The following RTN4 variants were observed in gnomAD, a reference collection of about 807,000 sequenced individuals.
The protein encoded by RTN4 is reticulon-4.
RTN4 carries 32 observed loss-of-function variants against 90.4 expected under a neutral mutation model. The ratio of observed to expected loss-of-function variants is 0.35; its 90% CI spans 0.27 to 0.48. The LOEUF is 0.48. Ranked by LOEUF, RTN4 falls within the 20% of genes least tolerant of loss-of-function variation. The probability of loss-of-function intolerance (pLI) is 0.99; values close to 1 mark genes in which losing one functional copy is unlikely to be tolerated. For synonymous variants in RTN4, 629 were observed against 552.5 expected (o/e 1.14, Z -1.94); for missense variants, 1,706 against 1,430.2 (o/e 1.19, Z -3.11).
intron 2 of RTN4, among the ~76,000 whole-genome samples, chr2:55,079,237 G>A (rs1427154151): frequency 1.3e-5 from 2 of 152,218 alleles, no homozygotes; most frequent in African/African-American, 4.8e-5. Flanking sequence ...ACCAATCTCA[G>A]TCTTTATGGA....
At chr2:55,077,248 C>T (rs1168921163) in intron 2 of RTN4, among the ~76,000 whole-genome samples, 2 of 151,746 alleles carry the variant, frequency 1.3e-5, no homozygotes, top group East Asian at 1.9e-4. Flanking sequence ...CTCCTGACCT[C>T]GTGATCCTCC....
intron 1 of RTN4, among the ~76,000 whole-genome samples, chr2:55,103,643 T>G (rs920949480): frequency 2.0e-4 from 31 of 152,096 alleles, no homozygotes; most frequent in African/African-American, 7.5e-4. Flanking sequence ...TTTCCCTCTT[T>G]TTCTACGTCT....
At chr2:55,090,755 A>C (rs1020990653) in intron 1 of RTN4, among the ~76,000 whole-genome samples, 6 of 152,134 alleles carry the variant, frequency 3.9e-5, no homozygotes, top group Non-Finnish European at 8.8e-5. Context: ...TCTAATAAGT[A>C]ACTCCCATTT....
chr2:54,982,475 A>T (rs199817231), intron 5 of RTN4, 40 bp downstream of exon 5: 2 of 1,575,466 alleles, frequency 1.3e-6, no homozygotes, highest in Non-Finnish European at 1.7e-6. Flanking sequence ...TTGATACTAA[A>T]TTCTGGGTAT....
At chr2:55,074,980 G>T (rs1668576310) in intron 2 of RTN4, among the ~76,000 whole-genome samples, 1 of 152,168 alleles carries the variant, frequency 6.6e-6, no homozygotes, top group South Asian at 2.1e-4. Context: ...TATACCAACT[G>T]GGGAAAAGTT....
At chr2:55,009,952 G>A (rs1197078044) in intron 3 of RTN4, 13 of 963,702 alleles carry the variant, frequency 1.3e-5, no homozygotes, top group South Asian at 4.9e-5. Context: ...TGAGATAGCC[G>A]TTTTAATCCT....
At chr2:55,035,123 C>T (rs143966473) in intron 1 of RTN4, among the ~76,000 whole-genome samples, 171 of 152,220 alleles carry the variant, frequency 1.1e-3, no homozygotes, top group African/African-American at 4.0e-3. Flanking sequence ...CAAAGACACA[C>T]AACCACACAC....
rs1668012431 is a variant in RTN4, at chr2:55,050,008, G to T, written c.293C>A (p.Pro98His). The T allele has an allele frequency of 2.2e-6, 3 of 1,380,186 alleles. No homozygotes were observed. The highest frequency in any genetic ancestry group is 1.5e-5 in the African/African-American group (1 of 65,902). 85.5% of individuals were successfully genotyped at this position (1,380,186 alleles called of 1,614,324 possible). A position where few individuals can be genotyped will look rare whatever the true frequency, so the allele number is the denominator to read the frequency against. The change falls in exon 1 of 9, where the codon CCC (proline) becomes CAC (histidine). Residue 98 changes from proline to histidine, a missense_variant. By Grantham distance (77) the Pro-to-His change is moderately conservative. Transcript: ENST00000337526. The surrounding 1 kb of genome is among the most constrained non-coding windows in gnomAD (Gnocchi z 4.6). The stretch of plus-strand genomic sequence containing the variant: ...CGGCTGCCGCTCCGGGGCGACGGGG[G>T]GAGCGGCCGGCAGGGGTCCCCGGGG... ...PAPRGPLPAA[P>H]PVAPERQPSW... is the part of the protein sequence containing the mutation.
the RTN4 span, among the ~76,000 whole-genome samples, chr2:55,120,334 G>A: frequency 6.6e-6 from 1 of 152,150 alleles, no homozygotes; most frequent in African/African-American, 2.4e-5. Context: ...ACCAGGGTGG[G>A]CACAGACAGA....
intron 1 of RTN4, among the ~76,000 whole-genome samples, chr2:55,102,302 CA>C (rs1367312497): frequency 2.0e-5 from 3 of 151,972 alleles, no homozygotes; most frequent in African/African-American, 4.8e-5. Flanking sequence ...TACTTTAGGC[CA>C]GGGGGTAGCA....
intron 1 of RTN4, among the ~76,000 whole-genome samples, chr2:55,081,239 A>G (rs538027277): frequency 1.3e-5 from 2 of 151,860 alleles, no homozygotes; most frequent in African/African-American, 2.4e-5. Flanking sequence ...ATGCCCTGCT[A>G]ATTTGTTTTT....
At chr2:55,045,338 T>C (rs776543829) in intron 1 of RTN4, among the ~76,000 whole-genome samples, 35 of 152,220 alleles carry the variant, frequency 2.3e-4, no homozygotes, top group Non-Finnish European at 1.2e-4. Flanking sequence ...AAACTAACTA[T>C]AAAAACAGAT....
chr2:54,982,334 A>AG (rs1357046660), intron 5 of RTN4, among the ~76,000 whole-genome samples, 181 bp downstream of exon 5: 1 of 152,206 alleles, frequency 6.6e-6, no homozygotes, highest in African/African-American at 2.4e-5. Context: ...AGAAAAAAAA[A>AG]GGGAATAGCA....
chr2:55,019,194 C>T (rs922721130), intron 3 of RTN4, among the ~76,000 whole-genome samples: 4 of 152,008 alleles, frequency 2.6e-5, no homozygotes, highest in Non-Finnish European at 5.9e-5. Flanking sequence ...CTAATTAATT[C>T]ATTAATGGAA....
the RTN4 span, among the ~76,000 whole-genome samples, chr2:55,119,012 C>T: frequency 2.7e-4 from 41 of 152,114 alleles, no homozygotes; most frequent in Admixed American, 2.5e-3. Flanking sequence ...AGAGAGATAT[C>T]GGGGGAAGAA....
chr2:54,997,901 T>C (rs1298961527), intron 3 of RTN4, among the ~76,000 whole-genome samples: 4 of 152,186 alleles, frequency 2.6e-5, no homozygotes, highest in East Asian at 3.8e-4. Context: ...AACTTTATCA[T>C]AGTTATGTAT....
At chr2:54,981,158 G>C (rs1048624467) in intron 5 of RTN4, among the ~76,000 whole-genome samples, 1 of 152,042 alleles carries the variant, frequency 6.6e-6, no homozygotes, top group Non-Finnish European at 1.5e-5. Flanking sequence ...AGTAACTTAA[G>C]TTCCAAGTCA....
chr2:55,036,707 A>G (rs1334356929), intron 1 of RTN4, among the ~76,000 whole-genome samples: 1 of 152,030 alleles, frequency 6.6e-6, no homozygotes, highest in African/African-American at 2.4e-5. Flanking sequence ...AAACCATATG[A>G]TCATCTCAAC....
intron 1 of RTN4, among the ~76,000 whole-genome samples, chr2:55,038,322 A>G (rs1031470096): frequency 1.3e-5 from 2 of 152,186 alleles, no homozygotes; most frequent in South Asian, 2.1e-4. Context: ...AAGAATCAAT[A>G]AAATTAATAG....
Sources: allele counts gnomAD v4.1 joint callset (sites outside exome capture counted in the v4.1 genomes callset), GRCh38; gene constraint gnomAD v4.1.1; non-coding constraint Gnocchi (gnomAD v3.1); transcripts MANE v1.5; gene names NCBI Gene and HGNC (gene_info 2026-07-23, HGNC 2026-07-21).